Variants in HSD17B12 observed in about 807,000 individuals in gnomAD.
HSD17B12 encodes hydroxysteroid 17-beta dehydrogenase 12.
Under a neutral mutation model 39.3 loss-of-function variants are expected in HSD17B12, and 32 were observed. That is an observed-to-expected ratio of 0.81 (90% CI 0.61 to 1.09). HSD17B12 has a LOEUF of 1.09. Ranked by LOEUF, HSD17B12 falls within the 50% of genes least tolerant of loss-of-function variation. The pLI, the probability that HSD17B12 is intolerant of heterozygous loss-of-function variation, is 0.00. For synonymous variants in HSD17B12, 150 were observed against 146.7 expected, an observed-to-expected ratio of 1.02 and a Z score of -0.16; for missense variants, 342 against 382.9, an observed-to-expected ratio of 0.89 and a Z score of 0.89.
chr11:43,564,372 A>G, the HSD17B12 span, among the ~76,000 whole-genome samples: 1 of 152,234 alleles, frequency 6.6e-6, no homozygotes, highest in Non-Finnish European at 1.5e-5. Flanking sequence ...CTATATTTGC[A>G]TAGATTTGGG....
the HSD17B12 span, among the ~76,000 whole-genome samples, chr11:43,609,186 C>T: frequency 1.2e-4 from 18 of 151,692 alleles, no homozygotes; most frequent in Non-Finnish European, 2.5e-4. Context: ...GTGATCTGCC[C>T]ACCTCGGCCT....
the HSD17B12 span, among the ~76,000 whole-genome samples, chr11:43,599,234 T>A: frequency 6.6e-6 from 1 of 152,206 alleles, no homozygotes; most frequent in African/African-American, 2.4e-5. Flanking sequence ...AACGTTCTTT[T>A]ATGCTCTTCT....
At chr11:43,798,969 C>T (rs1406960611) in intron 4 of HSD17B12, among the ~76,000 whole-genome samples, 1 of 151,986 alleles carries the variant, frequency 6.6e-6, no homozygotes, top group African/African-American at 2.4e-5. Context: ...ATTTTTGACC[C>T]GTCACTGGTT....
chr11:43,672,015 AGGT>A, the HSD17B12 span, among the ~76,000 whole-genome samples: 1,581 of 152,330 alleles, frequency 0.01, 7 homozygotes, highest in South Asian at 0.023. Flanking sequence ...GTTATAAAAT[AGGT>A]GGCAGAGTAG....
intron 1 of HSD17B12, among the ~76,000 whole-genome samples, chr11:43,729,280 AC>A (rs944242963): frequency 6.6e-6 from 1 of 152,240 alleles, no homozygotes; most frequent in African/African-American, 2.4e-5. Context: ...TTAATAAAAT[AC>A]CAAGTTTATA....
chr11:43,778,947 A>G (rs923499798), intron 3 of HSD17B12, among the ~76,000 whole-genome samples: 3 of 152,220 alleles, frequency 2.0e-5, no homozygotes, highest in African/African-American at 7.2e-5. Flanking sequence ...AAAATGTTAA[A>G]CACTGAGCAT....
chr11:43,600,966 G>C, the HSD17B12 span, among the ~76,000 whole-genome samples: 1 of 150,866 alleles, frequency 6.6e-6, no homozygotes, highest in East Asian at 1.9e-4. Context: ...TTATCCCCCA[G>C]GTCTATTGGC....
At chr11:43,724,032 C>G (rs867906034) in intron 1 of HSD17B12, 1 of 151,912 alleles carries the variant, frequency 6.6e-6, no homozygotes, top group Non-Finnish European at 1.5e-5. Context: ...TTCAGATCAC[C>G]CAGTTCATTC....
intron 1 of HSD17B12, among the ~76,000 whole-genome samples, chr11:43,721,062 T>C (rs1950171654): frequency 6.6e-6 from 1 of 152,006 alleles, no homozygotes; most frequent in Non-Finnish European, 1.5e-5. Flanking sequence ...TACTAATTTA[T>C]ATGTTAGTTT....
intron 1 of HSD17B12, among the ~76,000 whole-genome samples, chr11:43,735,983 C>T (rs955112116): frequency 5.3e-5 from 8 of 152,176 alleles, no homozygotes; most frequent in South Asian, 2.1e-4. Flanking sequence ...AGGCCCCTTC[C>T]GTGTTACTCC....
the HSD17B12 span, among the ~76,000 whole-genome samples, chr11:43,569,136 T>C: frequency 1.3e-5 from 2 of 152,194 alleles, no homozygotes; most frequent in African/African-American, 4.8e-5. Flanking sequence ...CCATTCCTGC[T>C]TTGGCTGGGG....
the HSD17B12 span, among the ~76,000 whole-genome samples, chr11:43,618,228 C>T: frequency 6.6e-6 from 1 of 152,070 alleles, no homozygotes; most frequent in Non-Finnish European, 1.5e-5. Flanking sequence ...AGACTAATAA[C>T]AACAAGATAG....
the HSD17B12 span, among the ~76,000 whole-genome samples, chr11:43,571,256 T>C: frequency 6.6e-6 from 1 of 152,232 alleles, no homozygotes; most frequent in Non-Finnish European, 1.5e-5. Flanking sequence ...GCTAAACTTA[T>C]GCAGGTATCT....
the HSD17B12 span, among the ~76,000 whole-genome samples, chr11:43,603,172 A>T: frequency 6.8e-4 from 103 of 152,158 alleles, no homozygotes; most frequent in African/African-American, 2.4e-3. Flanking sequence ...CTGAGACTTT[A>T]TTTTTTATTT....
At chr11:43,717,687 G>T (rs1237760571) in intron 1 of HSD17B12, among the ~76,000 whole-genome samples, 1 of 152,094 alleles carries the variant, frequency 6.6e-6, no homozygotes, top group Non-Finnish European at 1.5e-5. Context: ...ACTAGACTAG[G>T]TTGAGCTTCC....
At chr11:43,689,884 A>G (rs1240780872) in intron 1 of HSD17B12, among the ~76,000 whole-genome samples, 1 of 151,974 alleles carries the variant, frequency 6.6e-6, no homozygotes, top group Admixed American at 6.6e-5. Flanking sequence ...TCCTGCTTCC[A>G]TTGACCTCTG....
At chr11:43,836,693 T>C (rs1289493289) in intron 7 of HSD17B12, among the ~76,000 whole-genome samples, 2 of 152,062 alleles carry the variant, frequency 1.3e-5, no homozygotes, top group African/African-American at 4.8e-5. Context: ...AAATTAAAAA[T>C]CTCCTGTAAC....
the HSD17B12 span, chr11:43,645,474 G>A: frequency 6.6e-6 from 1 of 152,158 alleles, no homozygotes; most frequent in African/African-American, 2.4e-5. Context: ...TACAACAGTG[G>A]TTTTGGAAAT....
Position 43,734,258 on chromosome 11 carries a change from T to C in HSD17B12, c.161-16653T>C. On this transcript the variant is annotated intron_variant, in intron 1 of 10. Transcript: ENST00000278353. ...TGGGTTCATCCTGGACTACGTGTCC[T>C]TGACACATCTGACTTTCAGGAAGGA... is the stretch of plus-strand genomic sequence containing the variant. 1.1e-5 allele frequency: 14 copies of C among 1,320,942 alleles called. No homozygotes were observed. The South Asian group carries it at 1.3e-4, about 12-fold the overall frequency. The allele number at this position is 1,320,942 out of a possible 1,614,324, so 81.8% of individuals were successfully genotyped here. A position where few individuals can be genotyped will look rare whatever the true frequency, so the allele number is the denominator to read the frequency against.
Sources: allele counts gnomAD v4.1 joint callset (sites outside exome capture counted in the v4.1 genomes callset), GRCh38; gene constraint gnomAD v4.1.1; transcripts MANE v1.5; gene names NCBI Gene and HGNC (gene_info 2026-07-23, HGNC 2026-07-21).